Variants in ANTXR1 observed in about 807,000 individuals in gnomAD.
ANTXR1 encodes the protein anthrax toxin receptor 1.
Under a neutral mutation model 78.1 loss-of-function variants are expected in ANTXR1, and 19 were observed. The ratio of observed to expected loss-of-function variants is 0.24; its 90% CI spans 0.17 to 0.36. The LOEUF is 0.36. Ranked by LOEUF, ANTXR1 falls within the 10% of genes least tolerant of loss-of-function variation. The pLI, the probability that ANTXR1 is intolerant of heterozygous loss-of-function variation, is 1.00. For synonymous variants in ANTXR1, 273 were observed against 260.5 expected, an observed-to-expected ratio of 1.05 and a Z score of -0.46; for missense variants, 518 against 718.6, an observed-to-expected ratio of 0.72 and a Z score of 3.19.
At chr2:69,145,844 A>T in intron 12 of ANTXR1, 1 of 987,216 alleles carries the variant, frequency 1.0e-6, no homozygotes. Flanking sequence ...CCCTGGCAAG[A>T]TATTTCACTC....
At chr2:69,037,329 G>A (rs992045603) in intron 1 of ANTXR1, among the ~76,000 whole-genome samples, 44 of 152,100 alleles carry the variant, frequency 2.9e-4, no homozygotes, top group African/African-American at 1.0e-3. Flanking sequence ...CTTTAAGACC[G>A]ATTGCCACCC....
At chr2:69,205,622 G>A (rs1242226339) in intron 17 of ANTXR1, among the ~76,000 whole-genome samples, 1 of 146,106 alleles carries the variant, frequency 6.8e-6, no homozygotes, top group African/African-American at 2.6e-5. Context: ...TTCCCTCACA[G>A]CACTGAGGAC....
At chr2:69,092,650 C>A (rs906391553) in intron 9 of ANTXR1, among the ~76,000 whole-genome samples, 1 of 152,232 alleles carries the variant, frequency 6.6e-6, no homozygotes, top group Admixed American at 6.5e-5. Context: ...AGAGGTAGAT[C>A]GGTGAGAATC....
intron 12 of ANTXR1, chr2:69,145,340 T>C: frequency 6.3e-7 from 1 of 1,598,314 alleles, no homozygotes; most frequent in Non-Finnish European, 8.5e-7. Context: ...TCCACAAAAT[T>C]GCATCAGGCC....
Position 69,246,128 on chromosome 2 carries a change from G to A in ANTXR1, c.*643G>A, listed in dbSNP as rs1024868830. 1 of 152,582 alleles carries A rather than the reference G, an allele frequency of 6.6e-6. No individual in the cohort carries two copies. The highest frequency in any genetic ancestry group is 6.5e-5 in the Admixed American group (1 of 15,316). 9.5% of individuals were successfully genotyped at this position (152,582 alleles called of 1,614,324 possible). ...AGTTTCCAAGTGAGAAGGGGAGCAG[G>A]TGTTTACTGATGGAAAAGGTATGTT... On this transcript the variant is annotated 3_prime_UTR_variant, in exon 18 of 18. Coordinates refer to ENST00000303714, the MANE Select transcript of ANTXR1 (RefSeq NM_032208.3).
intron 9 of ANTXR1, 109 bp downstream of exon 9, chr2:69,091,028 G>A: frequency 9.4e-6 from 11 of 1,175,108 alleles, no homozygotes; most frequent in Non-Finnish European, 1.4e-5. Context: ...ACAGGAAGGG[G>A]TAGGGTGAAA....
At chr2:69,107,296 G>A (rs1050699710) in intron 10 of ANTXR1, among the ~76,000 whole-genome samples, 5 of 152,254 alleles carry the variant, frequency 3.3e-5, no homozygotes, top group African/African-American at 1.2e-4. Flanking sequence ...CTGGAGTGCA[G>A]TGGCACAATC....
intron 17 of ANTXR1, among the ~76,000 whole-genome samples, chr2:69,227,646 T>C (rs571047838): frequency 1.0e-3 from 155 of 152,338 alleles, no homozygotes; most frequent in African/African-American, 3.4e-3. Flanking sequence ...AGGATCAACA[T>C]GGCAGCTCCA....
At chr2:69,176,931 G>A (rs991940805) in intron 14 of ANTXR1, among the ~76,000 whole-genome samples, 11 of 152,166 alleles carry the variant, frequency 7.2e-5, no homozygotes, top group Admixed American at 7.2e-4. Context: ...CAGAGAAGCA[G>A]GAAAGTTAAA....
At chr2:69,017,937 G>A (rs1344611284) in intron 1 of ANTXR1, among the ~76,000 whole-genome samples, 1 of 151,898 alleles carries the variant, frequency 6.6e-6, no homozygotes, top group Non-Finnish European at 1.5e-5. Context: ...ATATGTTTAT[G>A]TATTACATAT....
At chr2:69,092,603 T>C (rs1015997615) in intron 9 of ANTXR1, among the ~76,000 whole-genome samples, 26 of 152,270 alleles carry the variant, frequency 1.7e-4, no homozygotes, top group Non-Finnish European at 4.4e-5. Context: ...AATTGCTACC[T>C]GACCACACAG....
intron 12 of ANTXR1, among the ~76,000 whole-genome samples, chr2:69,147,383 C>T (rs1673258563): frequency 6.6e-6 from 1 of 152,152 alleles, no homozygotes; most frequent in African/African-American, 2.4e-5. Context: ...AGCTGTTAAT[C>T]CCCCTTCACA....
chr2:69,223,568 G>A (rs1398776341), intron 17 of ANTXR1, among the ~76,000 whole-genome samples: 1 of 152,152 alleles, frequency 6.6e-6, no homozygotes, highest in African/African-American at 2.4e-5. Context: ...ATCCAAACTG[G>A]GAGGTCACCG....
chr2:69,082,920 A>G (rs983501148), intron 8 of ANTXR1, among the ~76,000 whole-genome samples: 2 of 152,238 alleles, frequency 1.3e-5, no homozygotes, highest in Non-Finnish European at 2.9e-5. Context: ...ACAAGCATTG[A>G]GCAAACACAA....
At chr2:69,058,346 TAGCTGGTGACTCTAAGTTGA>T (rs1216424781) in intron 3 of ANTXR1, among the ~76,000 whole-genome samples, 4 of 152,144 alleles carry the variant, frequency 2.6e-5, no homozygotes, top group Non-Finnish European at 5.9e-5. Flanking sequence ...GGAGTGAAGG[TAGCTGGTGACTCTAAGTTGA>T]AGCTAATGAT....
chr2:69,044,099 G>C (rs1200274827), intron 2 of ANTXR1, among the ~76,000 whole-genome samples: 1 of 152,120 alleles, frequency 6.6e-6, no homozygotes, highest in Non-Finnish European at 1.5e-5. Flanking sequence ...CTCTTACATT[G>C]AGAATGCTCC....
chr2:69,202,955 C>T (rs1290028421), intron 17 of ANTXR1, among the ~76,000 whole-genome samples: 2 of 152,202 alleles, frequency 1.3e-5, no homozygotes, highest in Non-Finnish European at 2.9e-5. Context: ...TTTTAATTAC[C>T]TCTTAACCTG....
chr2:69,153,892 CCT>C (rs1673461708), intron 13 of ANTXR1, among the ~76,000 whole-genome samples: 1 of 152,130 alleles, frequency 6.6e-6, no homozygotes, highest in Admixed American at 6.5e-5. Flanking sequence ...AGTTTCTTCA[CCT>C]CTCTCTCAGT....
chr2:69,176,639 C>T (rs750342280), intron 14 of ANTXR1, among the ~76,000 whole-genome samples: 7 of 152,210 alleles, frequency 4.6e-5, no homozygotes, highest in Non-Finnish European at 7.3e-5. Flanking sequence ...AAATATAACA[C>T]TGTGCTGGCA....
Sources: allele counts gnomAD v4.1 joint callset (sites outside exome capture counted in the v4.1 genomes callset), GRCh38; gene constraint gnomAD v4.1.1; transcripts MANE v1.5; gene names NCBI Gene and HGNC (gene_info 2026-07-23, HGNC 2026-07-21).